Variants in ADAMTS6 observed in about 807,000 individuals in gnomAD.
The protein encoded by ADAMTS6 is A disintegrin and metalloproteinase with thrombospondin motifs 6.
ADAMTS6 carries 23 observed loss-of-function variants against 144.3 expected under a neutral mutation model. That is an observed-to-expected ratio of 0.16 (90% confidence interval 0.11 to 0.23). The LOEUF is 0.23. Among genes scored for constraint, ADAMTS6 ranks in the 10% least tolerant of loss-of-function variants. The pLI is 1.00. For missense variants in ADAMTS6, 999 were observed against 1,379.6 expected, an observed-to-expected ratio of 0.72 and a Z score of 4.37; for synonymous variants, 444 against 457.5, an observed-to-expected ratio of 0.97 and a Z score of 0.38.
chr5:65,199,259 GT>G (rs1304290794), intron 20 of ADAMTS6, among the ~76,000 whole-genome samples: 1 of 152,112 alleles, frequency 6.6e-6, no homozygotes, highest in Non-Finnish European at 1.5e-5. Context: ...ATCTGGTTTT[GT>G]TTCAGTGGCA....
Position 65,168,704 on chromosome 5 carries a change from A to C in ADAMTS6, c.3244+1913T>G, listed in dbSNP as rs1457169805. Among the ~76,000 whole-genome samples, 243 of 130,710 alleles carry C rather than the reference A, an allele frequency of 1.9e-3. 3 individuals are homozygous for C. Among genetic ancestry groups the C allele is most frequent in the Non-Finnish European group, 3.2e-3 (188 of 57,870 alleles). The allele number at this position is 130,710 out of a possible 152,430, so 85.8% of individuals were successfully genotyped here. The stretch of plus-strand genomic sequence containing the variant: ...AAACAGAGATATAGATCAATGGAAC[A>C]GAACAGAGCCCTCAGAAATAACGCC... On this transcript the variant is annotated intron_variant, in intron 24 of 24. Transcript: ENST00000381055.
At chr5:65,273,506 A>G (rs1390110634) in intron 11 of ADAMTS6, 59 bp from the exon 12 acceptor site, 1 of 1,352,500 alleles carries the variant, frequency 7.4e-7, no homozygotes, top group Non-Finnish European at 1.1e-6. Context: ...ATTCTTCCAT[A>G]AAATACACTT....
At chr5:65,432,952 T>C (rs1028503523) in intron 7 of ADAMTS6, among the ~76,000 whole-genome samples, 1 of 151,950 alleles carries the variant, frequency 6.6e-6, no homozygotes, top group Admixed American at 6.6e-5. Flanking sequence ...GAATTTCTAC[T>C]GTCCAGTCAT....
At chr5:65,455,920 C>T (rs543314611) in intron 4 of ADAMTS6, among the ~76,000 whole-genome samples, 1 of 151,930 alleles carries the variant, frequency 6.6e-6, no homozygotes, top group Admixed American at 6.5e-5. Flanking sequence ...TTTTAGTTTG[C>T]TTGGCTATCA....
Position 65,170,792 on chromosome 5 carries a change from A to G in ADAMTS6, c.3088-19T>C. 6.2e-7 allele frequency: 1 copy of G among 1,602,004 alleles called. No homozygotes were observed. The highest frequency in any genetic ancestry group is 8.5e-7 in the Non-Finnish European group (1 of 1,172,004). ...CAGAACACTAAATCCAAAGACACAAAGAAACAAAATATTAATCTCAACAAT... is the reference window on the plus strand; with the variant it reads ...CAGAACACTAAATCCAAAGACACAAGGAAACAAAATATTAATCTCAACAAT... On this transcript the variant is annotated intron_variant, in intron 23 of 24. Transcript: ENST00000381055.
intron 7 of ADAMTS6, among the ~76,000 whole-genome samples, chr5:65,344,073 G>A (rs958806193): frequency 2.0e-5 from 3 of 151,738 alleles, no homozygotes; most frequent in Non-Finnish European, 2.9e-5. Context: ...TCTAATATAG[G>A]GTATTTTTTA....
intron 9 of ADAMTS6, among the ~76,000 whole-genome samples, chr5:65,310,300 G>T (rs1222416122): frequency 6.6e-6 from 1 of 152,022 alleles, no homozygotes; most frequent in Admixed American, 6.6e-5. Flanking sequence ...CCAGTCTCAG[G>T]TATTTCTTTA....
At chr5:65,405,482 T>A (rs1754372085) in intron 7 of ADAMTS6, among the ~76,000 whole-genome samples, 2 of 152,194 alleles carry the variant, frequency 1.3e-5, no homozygotes, top group South Asian at 4.1e-4. Context: ...TTCTAAGGGC[T>A]CTGTTCTGTT....
intron 7 of ADAMTS6, among the ~76,000 whole-genome samples, chr5:65,415,172 G>T (rs1755397080): frequency 6.6e-6 from 1 of 152,098 alleles, no homozygotes; most frequent in Non-Finnish European, 1.5e-5. Flanking sequence ...AATGAGTAAA[G>T]GATCTTAATA....
In ADAMTS6 at chr5:65,376,850, T is replaced by TA. The variant is rs551696536; in HGVS notation, c.1074-42766dup. On this transcript the variant is annotated intron_variant, in intron 7 of 24. Transcript: ENST00000381055. ...CCCTGTCTCAAAAAAATTAAAAAGC[T>TA]AAAAAAAAAAATTAACAAAACAGCT... Among the ~76,000 whole-genome samples, 162 of 145,936 alleles carry TA rather than the reference T, an allele frequency of 1.1e-3. 1 individual carries two copies. The highest frequency in any genetic ancestry group is 3.2e-3 in the African/African-American group (128 of 40,046).
rs1757207295 is a variant in ADAMTS6, at chr5:65,220,066, C to T, written c.2272+4254G>A. Among the ~76,000 whole-genome samples the T allele has an allele frequency of 2.6e-5, 4 of 152,096 alleles. No homozygotes were observed. The South Asian group carries it at 8.3e-4, about 32-fold the overall frequency. On this transcript the variant is annotated intron_variant, in intron 18 of 24. Transcript: ENST00000381055. ...TAATGGAATACTAACCCCAAAATAG[C>T]AGAATATGCATTCTTCTCAAGTGCA...
At chr5:65,353,448 T>C (rs1368355773) in intron 7 of ADAMTS6, among the ~76,000 whole-genome samples, 1 of 152,024 alleles carries the variant, frequency 6.6e-6, no homozygotes. Context: ...GGTAACATAA[T>C]GAAAACTTTT....
chr5:65,184,035 T>C (rs1754522883), intron 22 of ADAMTS6, among the ~76,000 whole-genome samples: 1 of 152,200 alleles, frequency 6.6e-6, no homozygotes, highest in Non-Finnish European at 1.5e-5. Context: ...TCATTATTTC[T>C]CCTTATGTGG....
chr5:65,272,793 T>C (rs1279685473), intron 12 of ADAMTS6, among the ~76,000 whole-genome samples: 1 of 151,862 alleles, frequency 6.6e-6, no homozygotes, highest in Non-Finnish European at 1.5e-5. Context: ...TGGTGGTGTG[T>C]ACCTGTAGTC....
intron 9 of ADAMTS6, among the ~76,000 whole-genome samples, chr5:65,321,719 T>C (rs1457588428): frequency 5.2e-5 from 7 of 135,446 alleles, no homozygotes; most frequent in Admixed American, 7.3e-5. Context: ...TTTTTTTTTT[T>C]TTTTTTTTTT....
At chr5:65,459,416 A>T (rs915063830) in intron 4 of ADAMTS6, among the ~76,000 whole-genome samples, 1 of 152,078 alleles carries the variant, frequency 6.6e-6, no homozygotes, top group African/African-American at 2.4e-5. Flanking sequence ...TAATCTTTCC[A>T]GTTTCATCTC....
chr5:65,188,249 A>G, intron 21 of ADAMTS6, 29 bp from the exon 22 acceptor site: 5 of 1,609,122 alleles, frequency 3.1e-6, no homozygotes, highest in Non-Finnish European at 4.2e-6. Context: ...GAAACACAGA[A>G]AAGCATTTCC....
chr5:65,480,102 T>C (rs1170156334), intron 1 of ADAMTS6, among the ~76,000 whole-genome samples: 1 of 152,204 alleles, frequency 6.6e-6, no homozygotes. Context: ...ACGTTTCTTT[T>C]CCTGTCATGA....
At chr5:65,411,503 A>C (rs1755049138) in intron 7 of ADAMTS6, among the ~76,000 whole-genome samples, 1 of 152,150 alleles carries the variant, frequency 6.6e-6, no homozygotes, top group Non-Finnish European at 1.5e-5. Context: ...TATCTCCTTC[A>C]TCAGCATTTT....
Sources: gnomAD v4.1 joint callset for allele counts (sites outside exome capture counted in the v4.1 genomes callset) on GRCh38, gnomAD v4.1.1 for gene constraint, MANE v1.5 for transcripts, NCBI Gene and HGNC (gene_info 2026-07-23, HGNC 2026-07-21) for gene names.